Variants in CLASP2 observed in about 807,000 individuals in gnomAD.
CLASP2 encodes CLIP-associating protein 2.
Under a neutral mutation model 194.4 loss-of-function variants are expected in CLASP2, and 47 were observed. That is an observed-to-expected ratio of 0.24 (90% CI 0.19 to 0.31). The LOEUF is 0.31. CLASP2 is among the 10% of genes least tolerant of loss of function. The pLI is 1.00. For synonymous variants in CLASP2, 619 were observed against 633.5 expected (o/e 0.98, Z 0.34); for missense variants, 1,445 against 1,823.6 (o/e 0.79, Z 3.78).
At chr3:33,623,233 T>C (rs1421275875) in intron 10 of CLASP2, among the ~76,000 whole-genome samples, 1 of 152,220 alleles carries the variant, frequency 6.6e-6, no homozygotes, top group African/African-American at 2.4e-5. Context: ...GGGGTATCCA[T>C]CACCTCAAAC....
intron 34 of CLASP2, among the ~76,000 whole-genome samples, chr3:33,530,122 A>T (rs1162133597): frequency 6.7e-6 from 1 of 149,464 alleles, no homozygotes; most frequent in Non-Finnish European, 1.5e-5. Flanking sequence ...AATTAACTTA[A>T]AAAAAAAAAT....
intron 1 of CLASP2, among the ~76,000 whole-genome samples, chr3:33,716,580 G>C (rs2093311813): frequency 6.6e-6 from 1 of 152,176 alleles, no homozygotes; most frequent in Non-Finnish European, 1.5e-5. Flanking sequence ...CAACTATCTT[G>C]AGTGTGAATA....
chr3:33,696,852 T>C lies in CLASP2; in HGVS notation c.274+3A>G, dbSNP rs1223208447. On this transcript the variant is annotated splice_donor_region_variant and intron_variant, in intron 2 of 38. Coordinates refer to ENST00000682230, the MANE Select transcript of CLASP2 (RefSeq NM_001365631.1). ...GAATTGTAAATAAACAAAGTTAACT[T>C]ACCCATTGCTACATAGGATTTAAAG... 6.4e-7 allele frequency: 1 copy of C among 1,552,958 alleles called. No homozygotes were observed. The highest frequency in any genetic ancestry group is 1.2e-5 in the South Asian group (1 of 84,922).
chr3:33,718,214 G>C lies in CLASP2; in HGVS notation c.-212C>G. 3.3e-6 allele frequency: 1 copy of C among 301,060 alleles called. No homozygotes were observed. The highest frequency in any genetic ancestry group is 8.7e-5 in the South Asian group (1 of 11,506). The allele number at this position is 301,060 out of a possible 1,614,324, so 18.6% of individuals were successfully genotyped here. A position where few individuals can be genotyped will look rare whatever the true frequency, so the allele number is the denominator to read the frequency against. ...CTCGGCGCCCCCCGATCCCCAGCCC[G>C]CTTCAGAGGCCGCGGCCGCGGGCGA... is the stretch of plus-strand genomic sequence containing the variant. On this transcript the variant is annotated 5_prime_UTR_variant, in exon 1 of 39. Coordinates refer to ENST00000682230, the MANE Select transcript of CLASP2 (RefSeq NM_001365631.1).
At chr3:33,674,661 AG>A (rs1164532161) in intron 6 of CLASP2, among the ~76,000 whole-genome samples, 1 of 152,172 alleles carries the variant, frequency 6.6e-6, no homozygotes, top group Admixed American at 6.5e-5. Context: ...GTTTTTTGAA[AG>A]GATTAACAAA....
intron 12 of CLASP2, 43 bp downstream of exon 12, chr3:33,619,560 T>C: frequency 1.4e-6 from 2 of 1,408,204 alleles, no homozygotes; most frequent in East Asian, 3.2e-5. Flanking sequence ...GAAACAAAAG[T>C]GGGGGGAGGA....
chr3:33,596,468 A>C, intron 19 of CLASP2: 1 of 387,592 alleles, frequency 2.6e-6, no homozygotes, highest in Non-Finnish European at 4.7e-6. Flanking sequence ...TCAGGCAAAC[A>C]TTTTATAAGT....
intron 21 of CLASP2, among the ~76,000 whole-genome samples, chr3:33,588,932 T>G (rs1259202642): frequency 1.3e-5 from 2 of 152,146 alleles, no homozygotes; most frequent in Admixed American, 6.5e-5. Flanking sequence ...CATTTAGTTG[T>G]TTTTAAAGCT....
At chr3:33,628,780 G>A (rs1230583940) in intron 9 of CLASP2, among the ~76,000 whole-genome samples, 3 of 152,004 alleles carry the variant, frequency 2.0e-5, no homozygotes, top group Non-Finnish European at 4.4e-5. Context: ...TTTGAAGGAG[G>A]TGACTCAGTA....
In CLASP2 at chr3:33,583,287, T is replaced by C. The variant is rs181007069; in HGVS notation, c.2240-1359A>G. 3.2e-4 allele frequency among the ~76,000 whole-genome samples: 49 copies of C among 152,340 alleles called. 1 individual carries two copies. In the East Asian group the frequency reaches 8.7e-3, roughly 27 times the overall value. ...GCACACTATTCTTAGTCACTTTCTA[T>C]ATACACAGCAAATGAAAACGTGGCA... On this transcript the variant is annotated intron_variant, in intron 22 of 38. Coordinates refer to ENST00000682230, the MANE Select transcript of CLASP2 (RefSeq NM_001365631.1).
intron 24 of CLASP2, 158 bp from the exon 25 acceptor site, chr3:33,573,512 T>C (rs1680192012): frequency 1.2e-6 from 1 of 811,852 alleles, no homozygotes; most frequent in African/African-American, 1.7e-5. Context: ...TAGTTTTTCT[T>C]CAGAAAACAA....
At chr3:33,622,307 C>CA in intron 10 of CLASP2, 27 bp from the exon 11 acceptor site, 2 of 1,425,342 alleles carry the variant, frequency 1.4e-6, no homozygotes, top group Non-Finnish European at 1.8e-6. Context: ...TCATTATTGA[C>CA]AAAAAAGGTG....
At chr3:33,681,196 G>A (rs1308838018) in intron 6 of CLASP2, among the ~76,000 whole-genome samples, 4 of 150,638 alleles carry the variant, frequency 2.7e-5, no homozygotes, top group East Asian at 1.9e-4. Flanking sequence ...ACATACACAC[G>A]CACACACACA....
In CLASP2 at chr3:33,544,802, T is replaced by A; in HGVS notation, c.3193A>T (p.Thr1065Ser). Residue 1065 changes from threonine to serine, a missense_variant, in exon 31 of 39, where the codon ACC (threonine) becomes TCC (serine). Coordinates refer to ENST00000682230, the MANE Select transcript of CLASP2 (RefSeq NM_001365631.1). ...CCTAATAACATTGTAAACTCTGGGG[T>A]ATTGAGTTCAAATAATGAAATCAGC... is the stretch of plus-strand genomic sequence containing the variant. The part of the protein sequence containing the change: ...SVLISLFELN[T>S]PEFTMLLGAL... 6.2e-7 allele frequency: 1 copy of A among 1,612,906 alleles called. No homozygotes were observed. The highest frequency in any genetic ancestry group is 8.5e-7 in the Non-Finnish European group (1 of 1,179,318).
At chr3:33,716,781 T>C (rs1001730267) in intron 1 of CLASP2, among the ~76,000 whole-genome samples, 7 of 152,234 alleles carry the variant, frequency 4.6e-5, no homozygotes, top group Non-Finnish European at 1.5e-5. Context: ...AAGTCTAACC[T>C]TTCCAAAACT....
intron 23 of CLASP2, among the ~76,000 whole-genome samples, chr3:33,578,227 G>A (rs2065301022): frequency 6.6e-6 from 1 of 151,926 alleles, no homozygotes; most frequent in African/African-American, 2.4e-5. Flanking sequence ...CATAAATTCT[G>A]CATTCAGTAT....
chr3:33,691,439 A>G (rs370207192), intron 2 of CLASP2, among the ~76,000 whole-genome samples: 344 of 152,164 alleles, frequency 2.3e-3, no homozygotes, highest in Middle Eastern at 0.014. Context: ...TCTTTTTGGG[A>G]AAAAAAATGA....
At chr3:33,627,481 C>A (rs1191610998) in intron 9 of CLASP2, among the ~76,000 whole-genome samples, 1 of 152,076 alleles carries the variant, frequency 6.6e-6, no homozygotes, top group African/African-American at 2.4e-5. Context: ...TTAATTTTCT[C>A]TCCTCAGTCA....
At chr3:33,592,315 C>A (rs188533559) in intron 21 of CLASP2, 80 bp downstream of exon 21, 1 of 979,406 alleles carries the variant, frequency 1.0e-6, no homozygotes, top group Non-Finnish European at 1.6e-6. Context: ...ACTGGTCAAT[C>A]GTCTAATACA....
Sources: allele counts gnomAD v4.1 joint callset (sites outside exome capture counted in the v4.1 genomes callset), GRCh38; gene constraint gnomAD v4.1.1; transcripts MANE v1.5; gene names NCBI Gene and HGNC (gene_info 2026-07-23, HGNC 2026-07-21).